The following VPS53 variants were observed in gnomAD, a reference collection of about 807,000 sequenced individuals.
The protein encoded by VPS53 is VPS53 subunit of GARP complex, also known as vacuolar protein sorting-associated protein 53 homolog.
A neutral mutation model predicts 107.0 loss-of-function variants in VPS53; 70 were observed. The observed-to-expected ratio is 0.65, with a 90% CI of 0.54 to 0.80. VPS53 has a LOEUF of 0.80. VPS53 is among the 30% of genes least tolerant of loss of function. VPS53 has a pLI of 0.00. For missense variants in VPS53, 917 were observed against 1,049.4 expected, an observed-to-expected ratio of 0.87 and a Z score of 1.74; for synonymous variants, 409 against 393.3, an observed-to-expected ratio of 1.04 and a Z score of -0.47.
chr17:675,073 G>A (rs1008579581), intron 4 of VPS53: 23 of 152,190 alleles, frequency 1.5e-4, no homozygotes, highest in African/African-American at 5.1e-4. Context: ...AAAAGCAACT[G>A]AAAATGTGTC....
chr17:656,747 T>C (rs1056373799), intron 5 of VPS53: 2 of 816,786 alleles, frequency 2.4e-6, no homozygotes, highest in Admixed American at 3.7e-5. Context: ...CATGCCACAT[T>C]ATTTTTAATT....
intron 13 of VPS53, among the ~76,000 whole-genome samples, chr17:573,535 G>A (rs1914353369): frequency 1.3e-5 from 2 of 152,136 alleles, no homozygotes; most frequent in East Asian, 3.8e-4. Flanking sequence ...TGGCCACACT[G>A]ACAAGGCCAC....
At chr17:651,117 T>C (rs1970929171) in intron 7 of VPS53, among the ~76,000 whole-genome samples, 1 of 152,038 alleles carries the variant, frequency 6.6e-6, no homozygotes, top group African/African-American at 2.4e-5. Flanking sequence ...CGATAGCCAC[T>C]GAAACTACAG....
chr17:710,771 G>C (rs1404304125), intron 1 of VPS53, among the ~76,000 whole-genome samples, 158 bp from the exon 2 acceptor site: 5 of 151,928 alleles, frequency 3.3e-5, no homozygotes, highest in African/African-American at 1.2e-4. Flanking sequence ...CCTGAGGTCA[G>C]GTCTCTACTA....
chr17:599,042 A>G (rs1597363989), intron 12 of VPS53, among the ~76,000 whole-genome samples: 1 of 90,870 alleles, frequency 1.1e-5, no homozygotes, highest in Admixed American at 1.5e-4. Flanking sequence ...CCCATCCGGG[A>G]GGTGAGGGGC....
chr17:649,143 TCTTACAC>T (rs1970829562), intron 7 of VPS53, among the ~76,000 whole-genome samples: 4 of 52,766 alleles, frequency 7.6e-5, no homozygotes, highest in East Asian at 5.3e-4. Context: ...GCACTGAAGA[TCTTACAC>T]TGGAGGACAG....
chr17:685,981 A>C (rs1972570966), intron 4 of VPS53, among the ~76,000 whole-genome samples: 1 of 151,700 alleles, frequency 6.6e-6, no homozygotes, highest in Non-Finnish European at 1.5e-5. Flanking sequence ...TCCAGCCTGG[A>C]TGACCCTGGA....
chr17:571,078 G>T (rs1567636236), intron 13 of VPS53, among the ~76,000 whole-genome samples: 1 of 152,042 alleles, frequency 6.6e-6, no homozygotes, highest in African/African-American at 2.4e-5. Context: ...CAACACTTTG[G>T]GAGGCCAGCA....
At chr17:651,060 T>G (rs1003997536) in intron 7 of VPS53, among the ~76,000 whole-genome samples, 2 of 152,084 alleles carry the variant, frequency 1.3e-5, no homozygotes, top group Admixed American at 6.5e-5. Flanking sequence ...TCCGGAGAGA[T>G]AGGATTAAAA....
At chr17:665,474 A>G (rs1216498236) in intron 4 of VPS53, among the ~76,000 whole-genome samples, 1 of 152,210 alleles carries the variant, frequency 6.6e-6, no homozygotes, top group Non-Finnish European at 1.5e-5. Context: ...CAGACTAAGA[A>G]AACTGGTATC....
chr17:596,469 C>T (rs1185945092), intron 12 of VPS53, among the ~76,000 whole-genome samples: 1 of 152,132 alleles, frequency 6.6e-6, no homozygotes, highest in Non-Finnish European at 1.5e-5. Flanking sequence ...CAGGGTTCCA[C>T]CTCTATCTGC....
At chr17:674,590 T>C (rs2143733204) in intron 4 of VPS53, 1 of 152,358 alleles carries the variant, frequency 6.6e-6, no homozygotes, top group East Asian at 1.9e-4. Context: ...AGAGTTCTCT[T>C]CAACCTGGGG....
chr17:707,933 G>C (rs1973481830), intron 2 of VPS53, among the ~76,000 whole-genome samples: 1 of 151,990 alleles, frequency 6.6e-6, no homozygotes, highest in Non-Finnish European at 1.5e-5. Context: ...AAGCCTAGAG[G>C]ACAGAGATCC....
chr17:589,839 A>G (rs889579530), intron 12 of VPS53, among the ~76,000 whole-genome samples: 1 of 152,192 alleles, frequency 6.6e-6, no homozygotes, highest in African/African-American at 2.4e-5. Flanking sequence ...CTTTTGGCTC[A>G]GGATTGACTT....
intron 4 of VPS53, chr17:684,932 G>A (rs185863889): frequency 1.3e-5 from 2 of 152,174 alleles, no homozygotes; most frequent in South Asian, 2.1e-4. Context: ...AGGTTGCCGT[G>A]GGCCGAGATC....
intron 7 of VPS53, among the ~76,000 whole-genome samples, chr17:648,464 T>C (rs111392136): frequency 2.0e-5 from 3 of 152,216 alleles, no homozygotes; most frequent in Non-Finnish European, 4.4e-5. Flanking sequence ...GGCAGGAGAA[T>C]TGCTTAAACC....
chr17:680,630 T>A (rs74446479), intron 4 of VPS53, among the ~76,000 whole-genome samples: 15,024 of 152,248 alleles, frequency 0.099, 828 homozygotes, highest in East Asian at 0.21. Flanking sequence ...ATTGTGAAGA[T>A]CTCTCCTTAA....
intron 4 of VPS53, among the ~76,000 whole-genome samples, chr17:696,096 C>T (rs1972950345): frequency 6.6e-6 from 1 of 152,146 alleles, no homozygotes; most frequent in Non-Finnish European, 1.5e-5. Flanking sequence ...TACAGGAGTC[C>T]AGAAAACCAG....
In VPS53 at chr17:519,012, C is replaced by G; in HGVS notation, c.*116G>C. On this transcript the variant is annotated 3_prime_UTR_variant, in exon 22 of 22. Coordinates refer to ENST00000437048, the MANE Select transcript of VPS53 (RefSeq NM_001128159.3). This position sits in a 1 kb window ranked among gnomAD's most constrained non-coding sequence, Gnocchi z 5.0. ...AGACTCAGTAACAACCCACATGTCCCAGGAAGTTTGAAGACCGACGATGTG... is the reference window on the plus strand; with the variant it reads ...AGACTCAGTAACAACCCACATGTCCGAGGAAGTTTGAAGACCGACGATGTG... 8.6e-7 allele frequency: 1 copy of G among 1,164,410 alleles called. No homozygotes were observed. Among genetic ancestry groups the G allele is most frequent in the Non-Finnish European group, 1.2e-6 (1 of 852,020 alleles). The allele number at this position is 1,164,410 out of a possible 1,614,324, so 72.1% of individuals were successfully genotyped here. A position where few individuals can be genotyped will look rare whatever the true frequency, so the allele number is the denominator to read the frequency against.
Sources: gnomAD v4.1 joint callset for allele counts (sites outside exome capture counted in the v4.1 genomes callset) on GRCh38, gnomAD v4.1.1 for gene constraint, Gnocchi (gnomAD v3.1) non-coding constraint, MANE v1.5 for transcripts, NCBI Gene and HGNC (gene_info 2026-07-23, HGNC 2026-07-21) for gene names.